CEP128: variants seen among roughly 807,000 people sequenced by gnomAD.
The protein encoded by CEP128 is centrosomal protein 128, also known as centrosomal protein 128kDa.
In CEP128, 132 loss-of-function variants were observed where a neutral mutation model predicts 156.7. The observed-to-expected ratio is 0.84, with a 90% CI of 0.73 to 0.97. The LOEUF (loss-of-function observed/expected upper bound fraction) is 0.97. CEP128 is among the 50% of genes least tolerant of loss of function. The pLI is 0.00. For missense variants in CEP128, 1,252 were observed against 1,281.9 expected (o/e 0.98, Z 0.36); for synonymous variants, 469 against 448.9 (o/e 1.04, Z -0.57).
chr14:80,795,043 C>A (rs1335136576), intron 13 of CEP128, among the ~76,000 whole-genome samples: 1 of 152,130 alleles, frequency 6.6e-6, no homozygotes, highest in Admixed American at 6.5e-5. Context: ...AAGTAACCAA[C>A]ATTTGCTGGA....
chr14:80,493,660 A>G (rs1181816026), downstream of CEP128, among the ~76,000 whole-genome samples: 5 of 152,222 alleles, frequency 3.3e-5, no homozygotes, highest in African/African-American at 1.2e-4. Flanking sequence ...GCTGCCCCTG[A>G]AAAGAAATGC....
At chr14:80,874,801 G>A (rs1489307941) in intron 8 of CEP128, among the ~76,000 whole-genome samples, 1 of 152,048 alleles carries the variant, frequency 6.6e-6, no homozygotes, top group African/African-American at 2.4e-5. Context: ...TGTATTTTTA[G>A]TAGAGACGGG....
intron 19 of CEP128, among the ~76,000 whole-genome samples, chr14:80,589,392 T>A (rs188838643): frequency 8.5e-4 from 130 of 152,292 alleles, no homozygotes; most frequent in Non-Finnish European, 1.5e-3. Flanking sequence ...TCATAACATC[T>A]ACCCTCAATT....
intron 13 of CEP128, among the ~76,000 whole-genome samples, chr14:80,826,552 T>C (rs1267854217): frequency 6.6e-6 from 1 of 152,150 alleles, no homozygotes; most frequent in Non-Finnish European, 1.5e-5. Flanking sequence ...CAAGAGTTTA[T>C]GGTAAAAGAA....
At position 80,670,421 on chromosome 14, in the gene CEP128, T is replaced by A. The variant is rs148472344; in HGVS notation, c.2806+72654A>T. Among the ~76,000 whole-genome samples the A allele has an allele frequency of 2.1e-3, 325 of 152,296 alleles. 2 individuals carry two copies. Among genetic ancestry groups the A allele is most frequent in the African/African-American group, 7.2e-3 (299 of 41,578 alleles). ...CTATCTACCTACCTACCTATTTATA[T>A]ACATACACACAGGAATACTACTCTG... On this transcript the variant is annotated intron_variant, in intron 19 of 24. Coordinates refer to ENST00000555265, the MANE Select transcript of CEP128 (RefSeq NM_152446.5).
intron 19 of CEP128, among the ~76,000 whole-genome samples, chr14:80,728,792 T>C (rs1263113360): frequency 6.6e-6 from 1 of 152,208 alleles, no homozygotes; most frequent in African/African-American, 2.4e-5. Flanking sequence ...TAACTATGTA[T>C]GCAGATATCA....
At chr14:80,772,826 A>G (rs1250581214) in intron 16 of CEP128, among the ~76,000 whole-genome samples, 1 of 152,132 alleles carries the variant, frequency 6.6e-6, no homozygotes, top group Non-Finnish European at 1.5e-5. Context: ...CTCTCCTCTC[A>G]TTACCAGCTT....
intron 2 of CEP128, among the ~76,000 whole-genome samples, chr14:80,930,793 A>C (rs1013018690): frequency 3.3e-5 from 5 of 152,260 alleles, no homozygotes; most frequent in African/African-American, 1.2e-4. Context: ...CATCAAATGC[A>C]TCTGTACTGC....
chr14:80,822,290 T>C (rs576699299), intron 13 of CEP128, among the ~76,000 whole-genome samples: 24 of 152,248 alleles, frequency 1.6e-4, no homozygotes, highest in African/African-American at 5.8e-4. Flanking sequence ...GTTAGTTACT[T>C]CCTAGATACA....
chr14:80,562,806 G>A (rs1890746228), intron 20 of CEP128, among the ~76,000 whole-genome samples: 1 of 151,568 alleles, frequency 6.6e-6, no homozygotes, highest in Non-Finnish European at 1.5e-5. Flanking sequence ...GAGTATAGGT[G>A]TGCACCACCA....
chr14:80,796,154 C>T (rs992751109), intron 13 of CEP128, among the ~76,000 whole-genome samples: 1 of 152,236 alleles, frequency 6.6e-6, no homozygotes, highest in Middle Eastern at 3.4e-3. Context: ...GAAAACAGCT[C>T]TCATCAAGAT....
At chr14:80,741,706 A>G (rs1898840420) in intron 19 of CEP128, among the ~76,000 whole-genome samples, 1 of 152,186 alleles carries the variant, frequency 6.6e-6, no homozygotes, top group Non-Finnish European at 1.5e-5. Context: ...ACTTATAGAT[A>G]GGTTAACTTT....
intron 21 of CEP128, among the ~76,000 whole-genome samples, chr14:80,541,297 T>C (rs1889745458): frequency 6.6e-6 from 1 of 151,684 alleles, no homozygotes; most frequent in Non-Finnish European, 1.5e-5. Flanking sequence ...GGAAAGAGTA[T>C]GGAGAAAAAA....
intron 20 of CEP128, among the ~76,000 whole-genome samples, chr14:80,568,737 TTAAAG>T (rs1351565757): frequency 6.6e-6 from 1 of 152,114 alleles, no homozygotes; most frequent in Admixed American, 6.5e-5. Flanking sequence ...GCTAAACAAT[TTAAAG>T]TAACCAGATT....
intron 8 of CEP128, among the ~76,000 whole-genome samples, chr14:80,864,086 C>G (rs1184319219): frequency 6.6e-6 from 1 of 152,208 alleles, no homozygotes; most frequent in East Asian, 1.9e-4. Context: ...TGATGATCAA[C>G]TTCCACTTAA....
chr14:80,636,149 T>A (rs1195463404), intron 19 of CEP128, among the ~76,000 whole-genome samples: 1 of 152,222 alleles, frequency 6.6e-6, no homozygotes, highest in Non-Finnish European at 1.5e-5. Flanking sequence ...TATGACTGCA[T>A]CTTATGCTTT....
chr14:80,829,687 T>C (rs1039600030), intron 13 of CEP128, among the ~76,000 whole-genome samples: 2 of 152,194 alleles, frequency 1.3e-5, no homozygotes, highest in Admixed American at 1.3e-4. Context: ...GTCAATAATA[T>C]TTGCTGTGTT....
chr14:80,626,079 A>G (rs1158518920), intron 19 of CEP128, among the ~76,000 whole-genome samples: 1 of 152,244 alleles, frequency 6.6e-6, no homozygotes, highest in Admixed American at 6.5e-5. Context: ...ACAAGGCAAA[A>G]GAGACTTTGC....
intron 19 of CEP128, among the ~76,000 whole-genome samples, chr14:80,738,847 T>C (rs1212261408): frequency 6.6e-6 from 1 of 152,180 alleles, no homozygotes; most frequent in Admixed American, 6.5e-5. Context: ...TCTCCACACA[T>C]AAGGGGAGTC....
Sources: gnomAD v4.1 joint callset for allele counts (sites outside exome capture counted in the v4.1 genomes callset) on GRCh38, gnomAD v4.1.1 for gene constraint, MANE v1.5 for transcripts, NCBI Gene and HGNC (gene_info 2026-07-23, HGNC 2026-07-21) for gene names.